DOCK7: variants seen among roughly 807,000 people sequenced by gnomAD.
DOCK7 encodes dedicator of cytokinesis protein 7.
Under a neutral mutation model 271.0 loss-of-function variants are expected in DOCK7, and 138 were observed. The observed-to-expected ratio is 0.51, with a 90% CI of 0.44 to 0.59. The LOEUF is 0.59. DOCK7 is among the 20% of genes least tolerant of loss of function. The probability of loss-of-function intolerance (pLI) is 0.00; values close to 1 mark genes in which losing one functional copy is unlikely to be tolerated. For missense variants in DOCK7, 2,066 were observed against 2,592.4 expected (o/e 0.80, Z 4.41); for synonymous variants, 823 against 876.1 (o/e 0.94, Z 1.07).
intron 21 of DOCK7, among the ~76,000 whole-genome samples, chr1:62,553,356 T>A (rs1444450105): frequency 5.8e-3 from 39 of 6,770 alleles, no homozygotes; most frequent in African/African-American, 0.017. Context: ...ATATATATAT[T>A]TTTTTTTTTT....
chr1:62,478,084 G>C (rs1338116488), intron 43 of DOCK7: 1 of 352,498 alleles, frequency 2.8e-6, no homozygotes, highest in Non-Finnish European at 5.1e-6. Context: ...TTTGTACGAA[G>C]TGCCTCTATC....
Position 62,618,823 on chromosome 1 carries a change from T to A in DOCK7, c.1565A>T (p.Tyr522Phe), listed in dbSNP as rs1471831530. 6.2e-7 allele frequency: 1 copy of A among 1,613,646 alleles called. No homozygotes were observed. The highest frequency in any genetic ancestry group is 8.5e-7 in the Non-Finnish European group (1 of 1,179,774). Residue 522 changes from tyrosine (Y) to phenylalanine (F), a missense_variant, in exon 14 of 50, where the codon TAT becomes TTT. Transcript: ENST00000635253. ...TTGAAGCAGCTCCGGAGTTAGGCAA[T>A]AATGGGGATTTTCAGGTGCGGGAGA... ...DISPAPENPH[Y>F]CLTPELLQVK...
intron 11 of DOCK7, 39 bp from the exon 12 acceptor site, chr1:62,625,440 G>C: frequency 6.4e-7 from 1 of 1,555,450 alleles, no homozygotes; most frequent in East Asian, 2.3e-5. Flanking sequence ...TTTCATAGAA[G>C]TTAAATTTTG....
Position 62,513,870 on chromosome 1 carries a change from G to C in DOCK7, c.3965C>G (p.Ala1322Gly). 1 of 1,613,814 alleles carries C rather than the reference G, an allele frequency of 6.2e-7. No homozygotes were observed. The highest frequency in any genetic ancestry group is 8.5e-7 in the Non-Finnish European group (1 of 1,179,864). ...GATCAAAAGGCTTCGACTTGATTCT[G>C]CTGAAAAGGTAGTGTGTTGCCTGCC... ...TSGRQHTTFS[A>G]ESSRSLLICL... is the part of the protein sequence containing the mutation. Residue 1322 changes from alanine (A) to glycine (G), a missense_variant, in exon 32 of 50, where the codon GCA becomes GGA. Physicochemically the swap from Ala to Gly is moderately conservative, Grantham distance 60 (BLOSUM62 0). Coordinates refer to ENST00000635253, the MANE Select transcript of DOCK7 (RefSeq NM_001367561.1).
At chr1:62,563,720 GC>G (rs1278777204) in intron 18 of DOCK7, among the ~76,000 whole-genome samples, 22 of 151,738 alleles carry the variant, frequency 1.4e-4, no homozygotes, top group Non-Finnish European at 8.8e-5. Context: ...ATGTAAACGG[GC>G]TAAATGCCTC....
chr1:62,508,139 A>G, intron 34 of DOCK7, 81 bp from the exon 35 acceptor site: 1 of 1,241,448 alleles, frequency 8.1e-7, no homozygotes, highest in Non-Finnish European at 1.1e-6. Context: ...GCATAGAAAT[A>G]AAAAATTTCA....
rs762113697 is a variant in DOCK7 at position 62,538,027 on chromosome 1, C to A, written c.3335G>T (p.Ser1112Ile). 6.2e-6 allele frequency: 10 copies of A among 1,613,810 alleles called. No individual in the cohort carries two copies. Among genetic ancestry groups the A allele is most frequent in the East Asian group, 2.2e-5 (1 of 44,854 alleles). The change falls in exon 28 of 50, where the codon AGT becomes ATT. Residue 1112 changes from serine (S) to isoleucine (I), a missense_variant. Ser to Ile is a moderately radical substitution (Grantham distance 142). Transcript: ENST00000635253. ...SSKLYSLPNPSVLVSLRLDFL... is the reference protein window; with the variant it reads ...SSKLYSLPNPIVLVSLRLDFL... The stretch of plus-strand genomic sequence containing the variant: ...ATCCAGCCTCAAGGACACCAGAACA[C>A]TGGGATTCGGTAATGAGTAAAGCTT...
chr1:62,601,651 C>T (rs1650139932), intron 14 of DOCK7: 2 of 685,726 alleles, frequency 2.9e-6, no homozygotes. Flanking sequence ...TTAACATAAA[C>T]ATTACTGAAA....
At chr1:62,601,072 C>G (rs749549638) in intron 14 of DOCK7, 3 of 1,484,480 alleles carry the variant, frequency 2.0e-6, no homozygotes, top group Non-Finnish European at 2.8e-6. Flanking sequence ...GATTTATATT[C>G]TTTTATCAGC....
chr1:62,686,676 A>C (rs566618995), intron 1 of DOCK7, among the ~76,000 whole-genome samples: 12 of 152,338 alleles, frequency 7.9e-5, no homozygotes, highest in African/African-American at 2.6e-4. Flanking sequence ...GTTCACAACA[A>C]CACTATGAGC....
At chr1:62,482,295 G>A (rs900926345) in intron 43 of DOCK7, 3 of 151,606 alleles carry the variant, frequency 2.0e-5, no homozygotes, top group Admixed American at 6.6e-5. Context: ...GTTAGTAAGT[G>A]GTGGAGTGGG....
intron 23 of DOCK7, among the ~76,000 whole-genome samples, chr1:62,544,362 C>T (rs1330755334): frequency 1.3e-5 from 2 of 152,216 alleles, no homozygotes; most frequent in South Asian, 2.1e-4. Flanking sequence ...TAAGCAAAAC[C>T]TAATTCAGCT....
chr1:62,527,005 G>A (rs1040663626), intron 31 of DOCK7, among the ~76,000 whole-genome samples: 18 of 152,160 alleles, frequency 1.2e-4, no homozygotes, highest in Admixed American at 2.6e-4. Context: ...GCGCAACTCC[G>A]TAAATATACT....
intron 48 of DOCK7, among the ~76,000 whole-genome samples, chr1:62,471,634 C>T (rs944779463): frequency 4.0e-5 from 6 of 151,614 alleles, no homozygotes; most frequent in South Asian, 4.2e-4. Flanking sequence ...AGAGTCTGGG[C>T]GACAAAGTGA....
intron 48 of DOCK7, among the ~76,000 whole-genome samples, chr1:62,464,708 A>G (rs772611042): frequency 4.0e-5 from 6 of 151,572 alleles, no homozygotes; most frequent in Non-Finnish European, 8.8e-5. Flanking sequence ...AAACAAACAG[A>G]CTGACCAAAA....
intron 14 of DOCK7, chr1:62,604,258 C>G (rs200389526): frequency 1.5e-5 from 24 of 1,611,254 alleles, no homozygotes; most frequent in Non-Finnish European, 2.0e-5. Flanking sequence ...GATACCAATA[C>G]TTTATTTTCA....
intron 18 of DOCK7, among the ~76,000 whole-genome samples, chr1:62,571,104 C>G (rs1359124023): frequency 6.6e-6 from 1 of 152,118 alleles, no homozygotes; most frequent in Non-Finnish European, 1.5e-5. Flanking sequence ...AAACTATCAT[C>G]AGAGTGAACA....
At chr1:62,553,236 T>C (rs924557830) in intron 21 of DOCK7, among the ~76,000 whole-genome samples, 8 of 145,258 alleles carry the variant, frequency 5.5e-5, no homozygotes, top group African/African-American at 2.0e-4. Flanking sequence ...AGTTTCACCA[T>C]GTTGGCCAGG....
At chr1:62,583,743 C>T (rs1439451139) in intron 15 of DOCK7, among the ~76,000 whole-genome samples, 1 of 152,066 alleles carries the variant, frequency 6.6e-6, no homozygotes, top group East Asian at 1.9e-4. Context: ...TCTAATATTT[C>T]CTTCAAGCTA....
Sources: allele counts gnomAD v4.1 joint callset (sites outside exome capture counted in the v4.1 genomes callset), GRCh38; gene constraint gnomAD v4.1.1; transcripts MANE v1.5; gene names NCBI Gene and HGNC (gene_info 2026-07-23, HGNC 2026-07-21).